THEMIS: variants seen among roughly 807,000 people sequenced by gnomAD.
The protein encoded by THEMIS is thymocyte selection associated, also known as protein THEMIS.
A neutral mutation model predicts 52.6 loss-of-function variants in THEMIS; 37 were observed. That is an observed-to-expected ratio of 0.70 (90% CI 0.54 to 0.93). The LOEUF (loss-of-function observed/expected upper bound fraction) is 0.93. Ranked by LOEUF, THEMIS falls within the 40% of genes least tolerant of loss-of-function variation. The pLI is 0.00. For synonymous variants in THEMIS, 292 were observed against 272.7 expected (o/e 1.07, Z -0.70); for missense variants, 808 against 763.1 (o/e 1.06, Z -0.69).
chr6:127,916,179 T>A (rs932771548), intron 1 of THEMIS, among the ~76,000 whole-genome samples: 3 of 151,624 alleles, frequency 2.0e-5, no homozygotes, highest in Admixed American at 2.0e-4. Context: ...TTAATTTTTT[T>A]ATATTATAAT....
chr6:127,766,090 T>C (rs1776189481), intron 4 of THEMIS, among the ~76,000 whole-genome samples: 1 of 152,138 alleles, frequency 6.6e-6, no homozygotes, highest in Admixed American at 6.6e-5. Context: ...CTCCTGACTT[T>C]CAATTGACAG....
At chr6:127,826,164 A>C (rs990299912) in intron 3 of THEMIS, among the ~76,000 whole-genome samples, 5 of 152,156 alleles carry the variant, frequency 3.3e-5, no homozygotes, top group African/African-American at 1.2e-4. Context: ...GTAGGGGAAA[A>C]ATATTTAAAG....
At chr6:127,814,066 G>A in intron 3 of THEMIS, 135 bp from the exon 4 acceptor site, 1 of 774,800 alleles carries the variant, frequency 1.3e-6, no homozygotes, top group Admixed American at 3.7e-5. Flanking sequence ...CATTTCTTAT[G>A]TGTGATTTTC....
chr6:127,812,336 C>T (rs770092796), intron 4 of THEMIS, among the ~76,000 whole-genome samples: 24 of 152,218 alleles, frequency 1.6e-4, no homozygotes, highest in Middle Eastern at 3.4e-3. Flanking sequence ...TTAAAGATTA[C>T]GATTCTAAGA....
chr6:127,913,291 T>C (rs1781452151), intron 1 of THEMIS, among the ~76,000 whole-genome samples: 1 of 152,220 alleles, frequency 6.6e-6, no homozygotes, highest in Non-Finnish European at 1.5e-5. Flanking sequence ...CTTTATATTA[T>C]TTTCACAATT....
chr6:127,793,187 A>C (rs1340547121), intron 4 of THEMIS, among the ~76,000 whole-genome samples: 1 of 152,224 alleles, frequency 6.6e-6, no homozygotes, highest in African/African-American at 2.4e-5. Context: ...GAGAACAGGG[A>C]CAAGCTACAA....
chr6:127,838,580 A>T (rs79518680), intron 2 of THEMIS, among the ~76,000 whole-genome samples: 5,120 of 152,074 alleles, frequency 0.034, 324 homozygotes, highest in African/African-American at 0.12. Flanking sequence ...ATGGTTTTCT[A>T]TTATATTTGC....
intron 4 of THEMIS, among the ~76,000 whole-genome samples, chr6:127,740,429 G>A (rs1406440055): frequency 2.4e-5 from 3 of 124,854 alleles, no homozygotes; most frequent in African/African-American, 1.1e-4. Context: ...TTTATTGGAT[G>A]TAAAATTCAA....
intron 4 of THEMIS, among the ~76,000 whole-genome samples, chr6:127,806,225 A>G (rs959868569): frequency 1.3e-5 from 2 of 152,320 alleles, no homozygotes; most frequent in Admixed American, 1.3e-4. Flanking sequence ...CTTAAAGGCC[A>G]GAAATCTAGT....
chr6:127,830,134 A>C (rs535312062), intron 2 of THEMIS, among the ~76,000 whole-genome samples, 200 bp from the exon 3 acceptor site: 1 of 152,314 alleles, frequency 6.6e-6, no homozygotes, highest in Admixed American at 6.5e-5. Flanking sequence ...ACTAGATCAT[A>C]AGACCAGACA....
intron 1 of THEMIS, among the ~76,000 whole-genome samples, chr6:127,883,394 T>A (rs1164952240): frequency 6.6e-6 from 1 of 150,522 alleles, no homozygotes; most frequent in Non-Finnish European, 1.5e-5. Context: ...AATATCTTTA[T>A]AAATATAATA....
At chr6:127,797,097 G>C (rs1420699954) in intron 4 of THEMIS, among the ~76,000 whole-genome samples, 1 of 152,104 alleles carries the variant, frequency 6.6e-6, no homozygotes, top group Non-Finnish European at 1.5e-5. Flanking sequence ...AGTATGTTTG[G>C]CTGCTTAATG....
chr6:127,747,191 C>T (rs1430622236), intron 4 of THEMIS, among the ~76,000 whole-genome samples: 114 of 101,410 alleles, frequency 1.1e-3, no homozygotes, highest in African/African-American at 3.8e-3. Context: ...TCTATAATTA[C>T]AGATATCTAT....
intron 4 of THEMIS, among the ~76,000 whole-genome samples, chr6:127,733,971 C>T (rs1036360015): frequency 3.9e-5 from 6 of 152,130 alleles, no homozygotes; most frequent in African/African-American, 1.4e-4. Flanking sequence ...CCAGTTTCTG[C>T]ATGAGTGGCT....
At chr6:127,794,612 A>G (rs1268038424) in intron 4 of THEMIS, among the ~76,000 whole-genome samples, 1 of 152,116 alleles carries the variant, frequency 6.6e-6, no homozygotes, top group Non-Finnish European at 1.5e-5. Context: ...TCTTGAACAC[A>G]TTAGACACAG....
chr6:127,828,940 G>A (rs1050570177), intron 3 of THEMIS, among the ~76,000 whole-genome samples: 6 of 152,042 alleles, frequency 3.9e-5, no homozygotes, highest in African/African-American at 1.2e-4. Context: ...AAAACACCAC[G>A]CCTATGTGTG....
chr6:127,809,878 A>G (rs76303961), intron 4 of THEMIS, among the ~76,000 whole-genome samples: 2,497 of 150,188 alleles, frequency 0.017, 80 homozygotes, highest in African/African-American at 0.058. Context: ...ATTATCACTC[A>G]ATGTCTTCAA....
chr6:127,829,344 T>C (rs1778614134), intron 3 of THEMIS, 132 bp downstream of exon 3: 1 of 683,666 alleles, frequency 1.5e-6, no homozygotes. Flanking sequence ...TATTGATTGA[T>C]GAGGAATCTA....
At chr6:127,894,382 T>A (rs1318277128) in intron 1 of THEMIS, among the ~76,000 whole-genome samples, 2 of 151,712 alleles carry the variant, frequency 1.3e-5, no homozygotes, top group Admixed American at 6.6e-5. Flanking sequence ...GGATAGCAAA[T>A]AAAATCTTAT....
Sources: gnomAD v4.1 joint callset for allele counts (sites outside exome capture counted in the v4.1 genomes callset) on GRCh38, gnomAD v4.1.1 for gene constraint, MANE v1.5 for transcripts, NCBI Gene and HGNC (gene_info 2026-07-23, HGNC 2026-07-21) for gene names.